The following CLCN5 variants were observed in gnomAD, a reference collection of about 807,000 sequenced individuals.
CLCN5 encodes the protein H(+)/Cl(-) exchange transporter 5.
In CLCN5, 17 loss-of-function variants were observed where a neutral mutation model predicts 54.0. That is an observed-to-expected ratio of 0.31 (90% CI 0.22 to 0.47). The LOEUF (loss-of-function observed/expected upper bound fraction) is 0.47, where lower values mean the gene tolerates loss of function less well. Ranked by LOEUF, CLCN5 falls within the 20% of genes least tolerant of loss-of-function variation. CLCN5 has a pLI of 1.00. For synonymous variants in CLCN5, 222 were observed against 233.0 expected (o/e 0.95, Z 0.43); for missense variants, 448 against 646.7 (o/e 0.69, Z 3.33).
intron 3 of CLCN5, among the ~76,000 whole-genome samples, chrX:50,002,663 G>GTCTCTC (rs1174801174): frequency 4.4e-4 from 41 of 92,760 alleles, no homozygotes; most frequent in African/African-American, 1.9e-3. Context: ...CTCTGTCTCT[G>GTCTCTC]TCTCTCTCTC....
intron 3 of CLCN5, among the ~76,000 whole-genome samples, chrX:49,964,420 A>T (rs782525539): frequency 8.9e-6 from 1 of 111,913 alleles, no homozygotes; most frequent in East Asian, 2.8e-4. Context: ...CAACCACCTT[A>T]TGAGGTGGAT....
intron 3 of CLCN5, among the ~76,000 whole-genome samples, chrX:49,970,016 G>T (rs1928121828): frequency 9.0e-6 from 1 of 111,263 alleles, no homozygotes; most frequent in Admixed American, 9.6e-5. Flanking sequence ...TTTATTCATG[G>T]TAACAGTCTT....
At chrX:50,057,027 G>C (rs1486203131) in intron 4 of CLCN5, among the ~76,000 whole-genome samples, 1 of 111,486 alleles carries the variant, frequency 9.0e-6, no homozygotes, top group Non-Finnish European at 1.9e-5. Flanking sequence ...TTAACCTGCT[G>C]TGAACAGGAA....
At chrX:50,080,758 T>C (rs376106973) in intron 8 of CLCN5, 42 bp downstream of exon 8, 9 of 1,091,029 alleles carry the variant, frequency 8.2e-6, no homozygotes, top group Non-Finnish European at 1.1e-5. Context: ...ACAATATGAA[T>C]ACTTTTTGGT....
intron 3 of CLCN5, among the ~76,000 whole-genome samples, chrX:50,012,643 C>T (rs782072596): frequency 2.2e-4 from 25 of 112,101 alleles, no homozygotes; most frequent in African/African-American, 8.1e-4. Context: ...CTTTGCATCA[C>T]CCCTCTATGT....
intron 3 of CLCN5, among the ~76,000 whole-genome samples, chrX:49,998,253 T>C (rs1046872986): frequency 9.8e-5 from 11 of 111,756 alleles, no homozygotes; most frequent in Non-Finnish European, 7.5e-5. Context: ...GCTGAGACTA[T>C]ACTGTACTGC....
At chrX:50,069,520 G>A in intron 4 of CLCN5, 4 of 769,892 alleles carry the variant, frequency 5.2e-6, no homozygotes, top group Non-Finnish European at 6.2e-6. Flanking sequence ...ATGGCTGCAA[G>A]TGCCTTTGAC....
intron 4 of CLCN5, among the ~76,000 whole-genome samples, chrX:50,058,171 A>G (rs1411267653): frequency 1.8e-5 from 2 of 111,894 alleles, no homozygotes; most frequent in Non-Finnish European, 3.8e-5. Flanking sequence ...TGTGATATAT[A>G]CCAATAGCCC....
At chrX:50,009,775 G>A (rs782056456) in intron 3 of CLCN5, 4 of 384,877 alleles carry the variant, frequency 1.0e-5, no homozygotes, top group African/African-American at 5.1e-5. Context: ...TGAATGCAAT[G>A]CACCCGGGCA....
intron 4 of CLCN5, among the ~76,000 whole-genome samples, chrX:50,066,972 C>T: frequency 8.9e-6 from 1 of 111,869 alleles, no homozygotes; most frequent in South Asian, 3.7e-4. Flanking sequence ...AGTGAACACT[C>T]AGGTAAACCA....
chrX:50,050,079 T>G (rs1294978335), intron 4 of CLCN5, among the ~76,000 whole-genome samples: 1 of 112,445 alleles, frequency 8.9e-6, no homozygotes, highest in African/African-American at 3.2e-5. Context: ...TATATACTAC[T>G]GTTTGTTTAT....
At chrX:50,009,115 T>TG in intron 3 of CLCN5, 1 of 285,906 alleles carries the variant, frequency 3.5e-6, no homozygotes, top group East Asian at 1.0e-4. Flanking sequence ...TGCCAGATCC[T>TG]GCACTGGGTG....
chrX:50,056,017 C>A (rs1557188888), intron 4 of CLCN5, among the ~76,000 whole-genome samples: 1 of 101,413 alleles, frequency 9.9e-6, no homozygotes, highest in Non-Finnish European at 2.1e-5. Context: ...GCAACTGTGT[C>A]TTTAAGTAAT....
intron 5 of CLCN5, among the ~76,000 whole-genome samples, chrX:50,070,986 A>C (rs902291011): frequency 9.0e-6 from 1 of 110,730 alleles, no homozygotes; most frequent in Admixed American, 9.7e-5. Flanking sequence ...TCAACCCACA[A>C]TAGGTATTAT....
At chrX:49,933,585 A>G (rs1925772575) in intron 3 of CLCN5, among the ~76,000 whole-genome samples, 1 of 111,978 alleles carries the variant, frequency 8.9e-6, no homozygotes, top group African/African-American at 3.2e-5. Context: ...CTGGATTTGT[A>G]TCCTGGCTCT....
At chrX:50,027,994 T>C (rs1352978565) in intron 3 of CLCN5, among the ~76,000 whole-genome samples, 2 of 111,837 alleles carry the variant, frequency 1.8e-5, no homozygotes, top group African/African-American at 6.5e-5. Context: ...GTTCTTTCAG[T>C]CATATTCCCC....
chrX:49,925,235 A>G lies in CLCN5; in HGVS notation c.-64A>G, dbSNP rs185140502. On this transcript the variant is annotated 5_prime_UTR_variant, in exon 3 of 15. Transcript: ENST00000376091. ...AGCTGCCTTTCTATCAAGTCTCCCT[A>G]CAAAACTGAGAGGCTCTGGGAAACT... 9.2e-5 allele frequency: 107 copies of G among 1,161,445 alleles called. No individual in the cohort carries two copies. The highest frequency in any genetic ancestry group is 1.2e-4 in the Non-Finnish European group (99 of 850,223).
At chrX:49,952,954 C>T (rs1410897414) in intron 3 of CLCN5, among the ~76,000 whole-genome samples, 6 of 105,481 alleles carry the variant, frequency 5.7e-5, no homozygotes, top group Admixed American at 2.0e-4. Context: ...GGCACAATCT[C>T]GGCTCACCGC....
intron 4 of CLCN5, among the ~76,000 whole-genome samples, chrX:50,062,766 C>A (rs1276330585): frequency 1.3e-4 from 13 of 96,626 alleles, no homozygotes; most frequent in African/African-American, 5.8e-4. Flanking sequence ...AAGTAAAGCT[C>A]TCCTCAGCAA....
Sources: gnomAD v4.1 joint callset for allele counts (sites outside exome capture counted in the v4.1 genomes callset) on GRCh38, gnomAD v4.1.1 for gene constraint, MANE v1.5 for transcripts, NCBI Gene and HGNC (gene_info 2026-07-23, HGNC 2026-07-21) for gene names.